PRRC2B: variants seen among roughly 807,000 people sequenced by gnomAD.
The protein encoded by PRRC2B is proline rich coiled-coil 2B.
In PRRC2B, 68 loss-of-function variants were observed where a neutral mutation model predicts 242.3. That is an observed-to-expected ratio of 0.28 (90% confidence interval 0.23 to 0.34). The LOEUF is 0.34. Among genes scored for constraint, PRRC2B ranks in the 10% least tolerant of loss-of-function variants. The pLI is 1.00. For missense variants in PRRC2B, 2,835 were observed against 2,954.8 expected (o/e 0.96, Z 0.94); for synonymous variants, 1,228 against 1,173.6 (o/e 1.05, Z -0.95).
chr9:131,447,600 G>A, intron 8 of PRRC2B, 62 bp from the exon 9 acceptor site: 4 of 1,413,422 alleles, frequency 2.8e-6, no homozygotes, highest in Non-Finnish European at 3.8e-6. Flanking sequence ...TTTTTGGAAA[G>A]GTATTTGATT....
Position 131,495,939 on chromosome 9 carries a change from G to A in PRRC2B, c.*65G>A. The stretch of plus-strand genomic sequence containing the variant: ...GGTGCCGCCATGCGGCCTCGACACA[G>A]CCGACACTCGGGAGCCTCACCAGAT... On this transcript the variant is annotated 3_prime_UTR_variant, in exon 32 of 32. Transcript: ENST00000683519. 6.4e-7 allele frequency: 1 copy of A among 1,569,492 alleles called. No homozygotes were observed. Among genetic ancestry groups the A allele is most frequent in the Non-Finnish European group, 8.7e-7 (1 of 1,153,000 alleles).
intron 1 of PRRC2B, among the ~76,000 whole-genome samples, chr9:131,405,883 A>G (rs1411815690): frequency 6.6e-6 from 1 of 152,072 alleles, no homozygotes; most frequent in Non-Finnish European, 1.5e-5. Context: ...TCCAGGTTCT[A>G]CCACTTAGAA....
intron 5 of PRRC2B, among the ~76,000 whole-genome samples, chr9:131,439,397 T>C (rs1460468884): frequency 6.6e-6 from 1 of 152,174 alleles, no homozygotes; most frequent in African/African-American, 2.4e-5. Flanking sequence ...AGAGTGGTCG[T>C]GGTGTGGGCA....
chr9:131,482,706 C>T lies in PRRC2B; in HGVS notation c.5176-4C>T, dbSNP rs1301678010. 1.3e-6 allele frequency: 2 copies of T among 1,559,492 alleles called. No individual in the cohort carries two copies. Among genetic ancestry groups the T allele is most frequent in the African/African-American group, 1.4e-5 (1 of 72,676 alleles). ...TGTCTCCACCTCTCTGCTTTTTTAT[C>T]AAGGATTCAGAACAAGGCTCTGGAC... On this transcript the variant is annotated splice_polypyrimidine_tract_variant and splice_region_variant and intron_variant, in intron 21 of 31. Coordinates refer to ENST00000683519, the MANE Select transcript of PRRC2B (RefSeq NM_013318.4). This position sits in a 1 kb window ranked among gnomAD's most constrained non-coding sequence, Gnocchi z 5.2.
At chr9:131,460,827 A>G (rs75047459) in intron 11 of PRRC2B, among the ~76,000 whole-genome samples, 7 of 151,982 alleles carry the variant, frequency 4.6e-5, no homozygotes, top group Admixed American at 1.3e-4. Context: ...CCCTTTCTCC[A>G]TGAAGTCCTA....
intron 13 of PRRC2B, among the ~76,000 whole-genome samples, chr9:131,468,487 C>T (rs944682928): frequency 5.3e-5 from 8 of 152,056 alleles, no homozygotes; most frequent in Non-Finnish European, 4.4e-5. Flanking sequence ...AAGGGACCTA[C>T]TTTTTGTCCT....
intron 1 of PRRC2B, among the ~76,000 whole-genome samples, chr9:131,404,060 T>A (rs1837296176): frequency 6.6e-6 from 1 of 152,008 alleles, no homozygotes; most frequent in Non-Finnish European, 1.5e-5. Context: ...GGATTACAGG[T>A]GTAAGCCACC....
chr9:131,499,056 A>AG lies in PRRC2B; in HGVS notation c.*3182_*3183insG, dbSNP rs1588288671. On this transcript the variant is annotated 3_prime_UTR_variant, in exon 32 of 32. Coordinates refer to ENST00000683519, the MANE Select transcript of PRRC2B (RefSeq NM_013318.4). Reference sequence around the variant, plus strand: ...GGCTCTAGGTTCCTTAAGGGGGAAAACAAAAGATGACTTTATTTCACATTC... The same window carrying AG: ...GGCTCTAGGTTCCTTAAGGGGGAAAAGCAAAAGATGACTTTATTTCACATTC... 1.3e-5 allele frequency: 2 copies of AG among 152,152 alleles called. No individual in the cohort carries two copies. Among genetic ancestry groups the AG allele is most frequent in the African/African-American group, 4.8e-5 (2 of 41,410 alleles). 9.4% of individuals were successfully genotyped at this position (152,152 alleles called of 1,614,324 possible).
In PRRC2B at chr9:131,495,776, G is replaced by T. The variant is rs139272916; in HGVS notation, c.6592G>T (p.Ala2198Ser). Reference sequence around the variant, plus strand: ...AGTGGATGAGAAACCCAGCCTGGGAGCCGTGAAGCTGCAGGAGGCCCCCTC... The same window carrying T: ...AGTGGATGAGAAACCCAGCCTGGGATCCGTGAAGCTGCAGGAGGCCCCCTC... ...QRVDEKPSLG[A>S]VKLQEAPSAA... The change falls in exon 32 of 32, where the codon GCC (alanine) becomes TCC (serine). Residue 2198 changes from alanine (A) to serine (S), a missense_variant. By Grantham distance (99) the Ala-to-Ser change is moderately conservative. Around this residue, in one of 7 missense-constraint regions of PRRC2B, gnomAD observed 574 missense variants for 626.0 expected, o/e 0.92. Transcript: ENST00000683519. 1.2e-6 allele frequency: 2 copies of T among 1,612,676 alleles called. No individual in the cohort carries two copies. Among genetic ancestry groups the T allele is most frequent in the Non-Finnish European group, 1.7e-6 (2 of 1,178,890 alleles).
intron 1 of PRRC2B, among the ~76,000 whole-genome samples, chr9:131,385,109 G>C (rs1311397431): frequency 6.6e-6 from 1 of 151,860 alleles, no homozygotes; most frequent in Non-Finnish European, 1.5e-5. Flanking sequence ...CTGGGTTCAA[G>C]CGATTCTCCT....
intron 1 of PRRC2B, among the ~76,000 whole-genome samples, chr9:131,385,420 C>T (rs1012743821): frequency 6.7e-6 from 1 of 150,026 alleles, no homozygotes; most frequent in Non-Finnish European, 1.5e-5. Context: ...CACTGGCAGC[C>T]TCAGACCACA....
intron 1 of PRRC2B, among the ~76,000 whole-genome samples, chr9:131,410,985 T>G (rs1564276282): frequency 6.6e-6 from 1 of 152,064 alleles, no homozygotes; most frequent in Non-Finnish European, 1.5e-5. Flanking sequence ...CTTTGAAAGT[T>G]TTCTTACGGC....
chr9:131,393,415 A>C (rs1158849343), upstream of PRRC2B, among the ~76,000 whole-genome samples: 1 of 152,198 alleles, frequency 6.6e-6, no homozygotes, highest in African/African-American at 2.4e-5. Context: ...TAACCAAGAC[A>C]GGAGTGCAGT....
chr9:131,420,457 CTTTCT>C (rs1837779851), intron 1 of PRRC2B, among the ~76,000 whole-genome samples: 6 of 10,294 alleles, frequency 5.8e-4, no homozygotes, highest in African/African-American at 1.1e-3. Context: ...TTTTCTTTTT[CTTTCT>C]TTCTTTCTTT....
At chr9:131,407,163 C>T (rs768965874) in intron 1 of PRRC2B, among the ~76,000 whole-genome samples, 4 of 152,144 alleles carry the variant, frequency 2.6e-5, no homozygotes, top group Non-Finnish European at 5.9e-5. Flanking sequence ...GTGGCATAGA[C>T]TGGGTTTAAT....
chr9:131,455,069 G>A lies in PRRC2B; in HGVS notation c.1121-7G>A. ...CTCATTCTTCCTGGGCCCTCCTGCT[G>A]TTGTAGGCCTCCATGAAGAAGTGGA... On this transcript the variant is annotated splice_polypyrimidine_tract_variant and splice_region_variant and intron_variant, in intron 9 of 31. Transcript: ENST00000683519. The A allele has an allele frequency of 1.2e-6, 2 of 1,609,622 alleles. No homozygotes were observed. The highest frequency in any genetic ancestry group is 1.3e-5 in the African/African-American group (1 of 74,970).
intron 15 of PRRC2B, among the ~76,000 whole-genome samples, 154 bp from the exon 16 acceptor site, chr9:131,474,297 GGTT>G (rs1943626576): frequency 6.6e-6 from 1 of 151,726 alleles, no homozygotes; most frequent in South Asian, 2.1e-4. Context: ...GTTTTTTTTT[GGTT>G]GTTGTTTTTT....
rs949916472 is a variant in PRRC2B, at chr9:131,470,692, G to T, written c.1912-96G>T. The T allele has an allele frequency of 2.5e-5, 25 of 1,007,632 alleles. No homozygotes were observed. In the Middle Eastern group the frequency reaches 1.6e-3, roughly 63 times the overall value. The allele number at this position is 1,007,632 out of a possible 1,614,324, so 62.4% of individuals were successfully genotyped here. A position where few individuals can be genotyped will look rare whatever the true frequency, so the allele number is the denominator to read the frequency against. On this transcript the variant is annotated intron_variant, in intron 13 of 31. Transcript: ENST00000683519. Reference sequence around the variant, plus strand: ...GTCTTCTGTTCTAGGTGGGCTTTCTGTGCTGCCAGCTGGAAAGCTGGAAGG... The same window carrying T: ...GTCTTCTGTTCTAGGTGGGCTTTCTTTGCTGCCAGCTGGAAAGCTGGAAGG...
intron 2 of PRRC2B, among the ~76,000 whole-genome samples, chr9:131,430,595 G>GTATA (rs771525029): frequency 7.2e-6 from 1 of 138,584 alleles, no homozygotes; most frequent in African/African-American, 2.9e-5. Context: ...GTGTGTGTGT[G>GTATA]TATATATATG....
Sources: gnomAD v4.1 joint callset for allele counts (sites outside exome capture counted in the v4.1 genomes callset) on GRCh38, gnomAD v4.1.1 for gene constraint, gnomAD v4.1.1 regional missense constraint, Gnocchi (gnomAD v3.1) non-coding constraint, MANE v1.5 for transcripts, NCBI Gene and HGNC (gene_info 2026-07-23, HGNC 2026-07-21) for gene names.